Variants in CTNNA3 observed in about 807,000 individuals in gnomAD.
CTNNA3 encodes catenin alpha-3.
CTNNA3 carries 76 observed loss-of-function variants against 95.7 expected under a neutral mutation model. The observed-to-expected ratio is 0.79, with a 90% CI of 0.66 to 0.96. The LOEUF (loss-of-function observed/expected upper bound fraction) is 0.96. Among genes scored for constraint, CTNNA3 ranks in the 40% least tolerant of loss-of-function variants. CTNNA3 has a pLI of 0.00. For synonymous variants in CTNNA3, 431 were observed against 374.4 expected (o/e 1.15, Z -1.74); for missense variants, 1,191 against 1,089.8 (o/e 1.09, Z -1.31).
At chr10:67,095,452 A>G (rs1857930256) in intron 7 of CTNNA3, among the ~76,000 whole-genome samples, 1 of 151,828 alleles carries the variant, frequency 6.6e-6, no homozygotes, top group African/African-American at 2.4e-5. Context: ...TGGGATTTTT[A>G]AAACAGATCA....
intron 3 of CTNNA3, among the ~76,000 whole-genome samples, chr10:67,558,789 C>T (rs571926949): frequency 6.6e-6 from 1 of 152,368 alleles, no homozygotes; most frequent in African/African-American, 2.4e-5. Flanking sequence ...CACCCTAATA[C>T]TGCGCTTTTC....
intron 7 of CTNNA3, among the ~76,000 whole-genome samples, chr10:66,847,156 G>C (rs1005822711): frequency 1.3e-5 from 2 of 152,142 alleles, no homozygotes; most frequent in Non-Finnish European, 2.9e-5. Context: ...TCTATTTCAA[G>C]TCCATAGAGA....
chr10:67,571,743 G>C (rs1841986929), intron 3 of CTNNA3, among the ~76,000 whole-genome samples: 1 of 152,182 alleles, frequency 6.6e-6, no homozygotes, highest in Non-Finnish European at 1.5e-5. Flanking sequence ...GAAGCTGAGA[G>C]AAGTTGAACT....
intron 7 of CTNNA3, among the ~76,000 whole-genome samples, chr10:67,077,747 C>G (rs1856810729): frequency 6.6e-6 from 1 of 152,028 alleles, no homozygotes; most frequent in South Asian, 2.1e-4. Flanking sequence ...TATTTATTCG[C>G]TCATCTCACT....
intron 7 of CTNNA3, among the ~76,000 whole-genome samples, chr10:66,871,595 C>T (rs1295137334): frequency 1.4e-5 from 2 of 138,680 alleles, no homozygotes; most frequent in Non-Finnish European, 3.1e-5. Flanking sequence ...AAGTACTCAA[C>T]AATATGTTTT....
intron 5 of CTNNA3, among the ~76,000 whole-genome samples, chr10:67,366,851 C>T (rs1045932686): frequency 1.3e-5 from 2 of 152,012 alleles, no homozygotes; most frequent in Non-Finnish European, 2.9e-5. Flanking sequence ...TAACTACATA[C>T]AAACATTAAC....
At chr10:67,014,163 C>A (rs1852510685) in intron 7 of CTNNA3, among the ~76,000 whole-genome samples, 4 of 152,292 alleles carry the variant, frequency 2.6e-5, no homozygotes, top group Middle Eastern at 3.4e-3. Flanking sequence ...AAAAGTATTT[C>A]TTTTCCTACC....
intron 11 of CTNNA3, among the ~76,000 whole-genome samples, chr10:66,447,205 G>C (rs927271950): frequency 3.3e-5 from 5 of 152,126 alleles, no homozygotes; most frequent in African/African-American, 1.2e-4. Flanking sequence ...AATATTCCAT[G>C]CTCATGGGTA....
Position 67,057,324 on chromosome 10 carries a change from C to T in CTNNA3, c.1047+122993G>A, listed in dbSNP as rs12251999. Among the ~76,000 whole-genome samples, 472 of 152,168 alleles carry T rather than the reference C, an allele frequency of 3.1e-3. 1 individual carries two copies. The highest frequency in any genetic ancestry group is 0.011 in the African/African-American group (456 of 41,544). ...ACTTTCTTAGCATATGTCAAGTATACTCTAAGTTATTATTAACTATAGTCA... is the reference window on the plus strand; with the variant it reads ...ACTTTCTTAGCATATGTCAAGTATATTCTAAGTTATTATTAACTATAGTCA... On this transcript the variant is annotated intron_variant, in intron 7 of 17. Transcript: ENST00000433211.
At chr10:66,208,921 C>A (rs2087938544) in intron 13 of CTNNA3, among the ~76,000 whole-genome samples, 1 of 152,024 alleles carries the variant, frequency 6.6e-6, no homozygotes, top group Admixed American at 6.6e-5. Context: ...CAATGTACCC[C>A]ATTGCATCCC....
At chr10:66,546,881 T>A (rs1254401343) in intron 10 of CTNNA3, among the ~76,000 whole-genome samples, 1 of 152,300 alleles carries the variant, frequency 6.6e-6, no homozygotes, top group Admixed American at 6.5e-5. Context: ...AGATTTGATA[T>A]GTCCCATGGA....
chr10:65,956,461 T>C (rs2077734576), intron 17 of CTNNA3, among the ~76,000 whole-genome samples: 1 of 152,204 alleles, frequency 6.6e-6, no homozygotes, highest in South Asian at 2.1e-4. Flanking sequence ...GCTTCTCTAG[T>C]TCTTTTAATT....
chr10:67,625,627 A>G (rs1226398512), intron 2 of CTNNA3, among the ~76,000 whole-genome samples: 2 of 152,232 alleles, frequency 1.3e-5, no homozygotes, highest in African/African-American at 4.8e-5. Flanking sequence ...CTATTTTTAA[A>G]AATATTAAAG....
intron 3 of CTNNA3, among the ~76,000 whole-genome samples, chr10:67,596,259 G>T (rs879810399): frequency 3.9e-5 from 6 of 152,024 alleles, no homozygotes; most frequent in Admixed American, 3.9e-4. Flanking sequence ...GTGGTGGCTG[G>T]TAATAGTCTT....
intron 14 of CTNNA3, among the ~76,000 whole-genome samples, chr10:66,079,520 TG>T: frequency 6.6e-6 from 1 of 152,118 alleles, no homozygotes; most frequent in East Asian, 1.9e-4. Flanking sequence ...TTACTATGTA[TG>T]TATTAAATGT....
chr10:67,699,354 C>A (rs1841015125), upstream of CTNNA3, among the ~76,000 whole-genome samples: 1 of 152,156 alleles, frequency 6.6e-6, no homozygotes, highest in South Asian at 2.1e-4. Flanking sequence ...TGATTTATTT[C>A]CCCTTCACTC....
At chr10:66,215,058 G>GAA (rs139167581) in intron 13 of CTNNA3, among the ~76,000 whole-genome samples, 2 of 151,602 alleles carry the variant, frequency 1.3e-5, no homozygotes, top group Admixed American at 6.6e-5. Context: ...ACTAATACTT[G>GAA]AAAAAAAAGG....
chr10:67,385,284 G>A (rs1294910610), intron 5 of CTNNA3, among the ~76,000 whole-genome samples: 1 of 152,234 alleles, frequency 6.6e-6, no homozygotes, highest in Admixed American at 6.5e-5. Flanking sequence ...CACACTTGTG[G>A]TTGACAAGGG....
At chr10:67,097,300 T>C (rs2131932363) in intron 7 of CTNNA3, among the ~76,000 whole-genome samples, 1 of 152,078 alleles carries the variant, frequency 6.6e-6, no homozygotes, top group South Asian at 2.1e-4. Flanking sequence ...AGCAATTTTC[T>C]GACTGTTCCA....
Sources: gnomAD v4.1 joint callset for allele counts (sites outside exome capture counted in the v4.1 genomes callset) on GRCh38, gnomAD v4.1.1 for gene constraint, MANE v1.5 for transcripts, NCBI Gene and HGNC (gene_info 2026-07-23, HGNC 2026-07-21) for gene names.